Variants in PTK2 observed in about 807,000 individuals in gnomAD.
PTK2 encodes focal adhesion kinase 1.
A neutral mutation model predicts 150.1 loss-of-function variants in PTK2; 45 were observed. The ratio of observed to expected loss-of-function variants is 0.30; its 90% CI spans 0.24 to 0.38. The LOEUF (loss-of-function observed/expected upper bound fraction) is 0.38, where lower values mean the gene tolerates loss of function less well. Ranked by LOEUF, PTK2 falls within the 10% of genes least tolerant of loss-of-function variation. The pLI, the probability that PTK2 is intolerant of heterozygous loss-of-function variation, is 1.00. For synonymous variants in PTK2, 432 were observed against 449.2 expected, an observed-to-expected ratio of 0.96 and a Z score of 0.48; for missense variants, 919 against 1,307.3, an observed-to-expected ratio of 0.70 and a Z score of 4.58.
intron 16 of PTK2, among the ~76,000 whole-genome samples, chr8:140,760,456 G>A (rs533429910): frequency 7.9e-4 from 120 of 152,234 alleles, no homozygotes; most frequent in African/African-American, 2.8e-3. Context: ...AAAATATTAT[G>A]CTAAGCAGAA....
chr8:140,896,788 C>CGG (rs60747008), intron 2 of PTK2, among the ~76,000 whole-genome samples: 9,831 of 66,638 alleles, frequency 0.15, 1,447 homozygotes, highest in East Asian at 0.21. Flanking sequence ...CCCAAAAAAA[C>CGG]GGGGGGGGGG....
At chr8:140,798,881 AAAAT>A (rs1228145284) in intron 12 of PTK2, among the ~76,000 whole-genome samples, 3 of 152,214 alleles carry the variant, frequency 2.0e-5, no homozygotes, top group African/African-American at 7.2e-5. Context: ...ATAAAAATAA[AAAAT>A]AAAGCACAAA....
intron 11 of PTK2, 136 bp downstream of exon 11, chr8:140,803,407 T>C (rs1221904537): frequency 4.2e-6 from 3 of 706,562 alleles, no homozygotes; most frequent in East Asian, 5.4e-5. Context: ...GTTTCTAATG[T>C]AACCCTTTCT....
intron 16 of PTK2, among the ~76,000 whole-genome samples, chr8:140,758,696 G>A (rs1379185946): frequency 6.6e-6 from 1 of 152,086 alleles, no homozygotes; most frequent in East Asian, 1.9e-4. Flanking sequence ...GATGTAAAAA[G>A]GTTACAATAA....
chr8:140,855,216 G>T (rs1222849965), intron 5 of PTK2, among the ~76,000 whole-genome samples: 1 of 152,062 alleles, frequency 6.6e-6, no homozygotes, highest in Non-Finnish European at 1.5e-5. Context: ...TGTTCACTAT[G>T]TGCCAGACAT....
At chr8:140,999,309 T>G (rs1441091938) in intron 1 of PTK2, among the ~76,000 whole-genome samples, 1 of 152,234 alleles carries the variant, frequency 6.6e-6, no homozygotes, top group African/African-American at 2.4e-5. Flanking sequence ...TTTTAAATAA[T>G]CTGTGCCTGT....
intron 7 of PTK2, among the ~76,000 whole-genome samples, chr8:140,836,077 G>GT (rs60335293): frequency 0.031 from 4,633 of 148,990 alleles, 247 homozygotes; most frequent in African/African-American, 0.11. Flanking sequence ...TAATTATCTG[G>GT]TTTTTTTTTT....
At chr8:140,819,997 T>A (rs1343861454) in intron 8 of PTK2, among the ~76,000 whole-genome samples, 4 of 148,940 alleles carry the variant, frequency 2.7e-5, no homozygotes, top group African/African-American at 7.4e-5. Flanking sequence ...AGGCCATAGT[T>A]AACAAGTTGG....
intron 31 of PTK2, chr8:140,662,507 C>A (rs575934932): frequency 1.0e-5 from 4 of 398,844 alleles, no homozygotes; most frequent in Non-Finnish European, 1.8e-5. Flanking sequence ...TGAGGCTTGT[C>A]ATGGAAAGCC....
At chr8:140,969,703 C>T (rs2100186573) in intron 1 of PTK2, among the ~76,000 whole-genome samples, 1 of 152,200 alleles carries the variant, frequency 6.6e-6, no homozygotes, top group Admixed American at 6.5e-5. Context: ...CTTATTTATG[C>T]TCACCTCCTA....
chr8:140,703,217 C>T (rs2100031758), intron 24 of PTK2, among the ~76,000 whole-genome samples: 1 of 151,418 alleles, frequency 6.6e-6, no homozygotes, highest in Admixed American at 6.6e-5. Context: ...GAGCCGAGAT[C>T]GGGCCATTGC....
chr8:140,804,043 A>G (rs2100096837), intron 10 of PTK2, among the ~76,000 whole-genome samples: 1 of 152,194 alleles, frequency 6.6e-6, no homozygotes, highest in Non-Finnish European at 1.5e-5. Flanking sequence ...ATTCCCAAAG[A>G]AAGAGGGGAT....
At chr8:140,846,271 A>G (rs2100125406) in exon 7 of PTK2, 1 of 1,611,038 alleles carries the variant, frequency 6.2e-7, no homozygotes, top group African/African-American at 1.3e-5. Context: ...CTAATACTTC[A>G]TAGTTAGACT....
intron 1 of PTK2, among the ~76,000 whole-genome samples, chr8:140,979,566 G>A (rs1236791820): frequency 1.3e-5 from 2 of 152,154 alleles, no homozygotes; most frequent in Non-Finnish European, 2.9e-5. Flanking sequence ...GAAAAAGTCA[G>A]ACAAAATAAA....
intron 1 of PTK2, among the ~76,000 whole-genome samples, chr8:140,985,840 A>G (rs1433853248): frequency 6.6e-6 from 1 of 151,906 alleles, no homozygotes; most frequent in East Asian, 1.9e-4. Context: ...TCAATACTTA[A>G]TAGTTATCTA....
chr8:140,673,452 T>C (rs889764514), intron 29 of PTK2, among the ~76,000 whole-genome samples: 1 of 152,128 alleles, frequency 6.6e-6, no homozygotes, highest in African/African-American at 2.4e-5. Flanking sequence ...AAAAAAATGC[T>C]GCCAATTAAA....
chr8:140,726,406 A>T (rs2100045820), intron 22 of PTK2, among the ~76,000 whole-genome samples: 1 of 152,186 alleles, frequency 6.6e-6, no homozygotes, highest in Non-Finnish European at 1.5e-5. Context: ...TAGATTCAAG[A>T]GGCTCAGCAA....
At chr8:140,943,064 C>T (rs755958049) in intron 1 of PTK2, among the ~76,000 whole-genome samples, 2 of 152,160 alleles carry the variant, frequency 1.3e-5, no homozygotes, top group Non-Finnish European at 2.9e-5. Flanking sequence ...TGCCATGTTT[C>T]CTGTACAGCC....
At position 140,958,884 on chromosome 8, in the gene PTK2, C is replaced by T. The variant is rs184072739; in HGVS notation, c.-121-33135G>A. Among the ~76,000 whole-genome samples the T allele has an allele frequency of 1.3e-3, 198 of 152,244 alleles. 1 individual carries two copies. The highest frequency in any genetic ancestry group is 4.6e-3 in the African/African-American group (192 of 41,558). ...CCAGTTTTATTTAATCTTTTCATATCTATAAATCCACTTGAAATTATTTTT... is the reference window on the plus strand; with the variant it reads ...CCAGTTTTATTTAATCTTTTCATATTTATAAATCCACTTGAAATTATTTTT... On this transcript the variant is annotated intron_variant, in intron 1 of 31. Coordinates refer to ENST00000522684, the Ensembl canonical transcript of PTK2.
Sources: gnomAD v4.1 joint callset for allele counts (sites outside exome capture counted in the v4.1 genomes callset) on GRCh38, gnomAD v4.1.1 for gene constraint, MANE v1.5 for transcripts, NCBI Gene and HGNC (gene_info 2026-07-23, HGNC 2026-07-21) for gene names.